TENT2: variants seen among roughly 807,000 people sequenced by gnomAD.
The protein encoded by TENT2 is terminal nucleotidyltransferase 2.
In TENT2, 44 loss-of-function variants were observed where a neutral mutation model predicts 72.2. The ratio of observed to expected loss-of-function variants is 0.61; its 90% CI spans 0.48 to 0.78. The LOEUF (loss-of-function observed/expected upper bound fraction) is 0.78, where lower values mean the gene tolerates loss of function less well. Ranked by LOEUF, TENT2 falls within the 30% of genes least tolerant of loss-of-function variation. The pLI is 0.00. For synonymous variants in TENT2, 212 were observed against 192.5 expected, an observed-to-expected ratio of 1.10 and a Z score of -0.84; for missense variants, 541 against 569.6, an observed-to-expected ratio of 0.95 and a Z score of 0.51.
At chr5:79,621,105 TA>T (rs61624308) in intron 3 of TENT2, among the ~76,000 whole-genome samples, 34,477 of 147,986 alleles carry the variant, frequency 0.23, 4,760 homozygotes, top group African/African-American at 0.4. Flanking sequence ...CAAGGTGCTG[TA>T]AAAAAAAAAA....
intron 4 of TENT2, among the ~76,000 whole-genome samples, chr5:79,632,386 T>A (rs750494498): frequency 3.5e-4 from 53 of 152,174 alleles, no homozygotes; most frequent in Non-Finnish European, 6.0e-4. Context: ...GAAATCTGAG[T>A]TATTCCTGAA....
chr5:79,668,295 T>C (rs1433749575), intron 11 of TENT2, among the ~76,000 whole-genome samples: 1 of 152,134 alleles, frequency 6.6e-6, no homozygotes, highest in East Asian at 1.9e-4. Context: ...TCCTGTCTCA[T>C]TTTCCCTGCC....
chr5:79,669,963 T>G (rs1652973014), intron 12 of TENT2, among the ~76,000 whole-genome samples: 1 of 152,034 alleles, frequency 6.6e-6, no homozygotes, highest in African/African-American at 2.4e-5. Context: ...GCGCGGTAGC[T>G]CATGCCTGTA....
At chr5:79,648,466 T>A in intron 8 of TENT2, 151 bp from the exon 9 acceptor site, 1 of 578,702 alleles carries the variant, frequency 1.7e-6, no homozygotes. Flanking sequence ...CTTATTTCTT[T>A]AGTGTGTCAT....
At chr5:79,632,361 C>T (rs1776292293) in intron 4 of TENT2, among the ~76,000 whole-genome samples, 1 of 152,108 alleles carries the variant, frequency 6.6e-6, no homozygotes, top group East Asian at 1.9e-4. Context: ...ACTGTGTTAA[C>T]AACTCTTTAA....
chr5:79,681,785 C>T (rs1188777109), intron 13 of TENT2, 197 bp from the exon 14 acceptor site: 3 of 445,880 alleles, frequency 6.7e-6, no homozygotes, highest in Non-Finnish European at 1.2e-5. Context: ...TGAATTCTAT[C>T]TACCTTATTA....
At position 79,634,017 on chromosome 5, in the gene TENT2, AAATT is replaced by A. The variant is rs1354383827; in HGVS notation, c.466-6832_466-6829del. On this transcript the variant is annotated intron_variant, in intron 4 of 14. Coordinates refer to ENST00000453514, the MANE Select transcript of TENT2 (RefSeq NM_001114394.3). ...AAATACAAAAAAAAAAAAAAAAAAA[AAATT>A]AGCTGGACCTGGTGGCGGACGCCTA... Among the ~76,000 whole-genome samples the A allele has an allele frequency of 7.9e-5, 11 of 139,002 alleles. No individual in the cohort carries two copies. In the Admixed American group the frequency reaches 8.0e-4, roughly 10 times the overall value. The allele number at this position is 139,002 out of a possible 152,430, so 91.2% of individuals were successfully genotyped here.
intron 12 of TENT2, among the ~76,000 whole-genome samples, chr5:79,677,156 A>C (rs529919701): frequency 7.2e-5 from 11 of 152,344 alleles, no homozygotes; most frequent in African/African-American, 2.6e-4. Context: ...CAATCTAGAA[A>C]TATTTAAAAG....
intron 13 of TENT2, chr5:79,681,709 C>T: frequency 4.2e-6 from 1 of 240,542 alleles, no homozygotes; most frequent in Non-Finnish European, 7.9e-6. Flanking sequence ...GAAACCTTAT[C>T]CACATTTATG....
intron 11 of TENT2, among the ~76,000 whole-genome samples, chr5:79,663,214 T>C (rs1253067093): frequency 6.6e-6 from 1 of 152,220 alleles, no homozygotes; most frequent in Non-Finnish European, 1.5e-5. Context: ...TTGGCTTGTT[T>C]GATCTATCCA....
intron 4 of TENT2, among the ~76,000 whole-genome samples, chr5:79,639,064 G>C (rs1409574299): frequency 6.6e-6 from 1 of 152,078 alleles, no homozygotes; most frequent in East Asian, 1.9e-4. Context: ...AGACGTGTTT[G>C]TGCCCTTAAG....
At chr5:79,682,388 T>C (rs1217153031) in intron 14 of TENT2, among the ~76,000 whole-genome samples, 4 of 151,890 alleles carry the variant, frequency 2.6e-5, no homozygotes, top group Non-Finnish European at 4.4e-5. Context: ...CAAGGGATTC[T>C]CCTGCCTCAG....
At chr5:79,648,876 A>C in intron 9 of TENT2, 183 bp downstream of exon 9, 1 of 833,358 alleles carries the variant, frequency 1.2e-6, no homozygotes, top group Non-Finnish European at 1.8e-6. Context: ...GTGGCATTTT[A>C]ATAATTGATA....
intron 12 of TENT2, among the ~76,000 whole-genome samples, chr5:79,676,323 G>A (rs1164291495): frequency 6.6e-6 from 1 of 152,050 alleles, no homozygotes; most frequent in Non-Finnish European, 1.5e-5. Flanking sequence ...ATGGGGCTGG[G>A]CACAGTGGCT....
intron 12 of TENT2, among the ~76,000 whole-genome samples, chr5:79,675,642 G>A (rs72768840): frequency 0.011 from 1,620 of 152,278 alleles, 13 homozygotes; most frequent in Non-Finnish European, 0.017. Context: ...TTTAATCAGG[G>A]TTGTGTTTCA....
intron 10 of TENT2, among the ~76,000 whole-genome samples, chr5:79,649,578 TAAA>T (rs1792042248): frequency 6.6e-6 from 1 of 152,126 alleles, no homozygotes; most frequent in Non-Finnish European, 1.5e-5. Context: ...TCCTGTTGGT[TAAA>T]GAAGCTTTTA....
At chr5:79,622,558 T>C (rs776526047) in intron 3 of TENT2, among the ~76,000 whole-genome samples, 10 of 152,196 alleles carry the variant, frequency 6.6e-5, no homozygotes, top group Non-Finnish European at 1.5e-4. Context: ...TTACATTTGA[T>C]TTCTTTCTCT....
At chr5:79,623,789 A>AG in intron 4 of TENT2, 1 of 217,972 alleles carries the variant, frequency 4.6e-6, no homozygotes, top group Admixed American at 5.2e-5. Context: ...GAAAAAAAAA[A>AG]AAGTTGTCAT....
At chr5:79,672,111 A>AG (rs1813396825) in intron 12 of TENT2, among the ~76,000 whole-genome samples, 1 of 151,760 alleles carries the variant, frequency 6.6e-6, no homozygotes, top group South Asian at 2.1e-4. Context: ...TCAAAAAAAA[A>AG]AACAAAAAAC....
Sources: gnomAD v4.1 joint callset for allele counts (sites outside exome capture counted in the v4.1 genomes callset) on GRCh38, gnomAD v4.1.1 for gene constraint, MANE v1.5 for transcripts, NCBI Gene and HGNC (gene_info 2026-07-23, HGNC 2026-07-21) for gene names.